Variants in PPFIA2 observed in about 807,000 individuals in gnomAD.
The protein encoded by PPFIA2 is liprin-alpha-2.
A neutral mutation model predicts 175.5 loss-of-function variants in PPFIA2; 46 were observed. The observed-to-expected ratio is 0.26, with a 90% CI of 0.21 to 0.34. The LOEUF (loss-of-function observed/expected upper bound fraction) is 0.34, where lower values mean the gene tolerates loss of function less well. PPFIA2 is among the 10% of genes least tolerant of loss of function. The probability of loss-of-function intolerance (pLI) is 1.00; values close to 1 mark genes in which losing one functional copy is unlikely to be tolerated. For synonymous variants in PPFIA2, 568 were observed against 511.4 expected, an observed-to-expected ratio of 1.11 and a Z score of -1.49; for missense variants, 1,179 against 1,506.1, an observed-to-expected ratio of 0.78 and a Z score of 3.60.
At chr12:81,752,026 A>G (rs1049792946) in intron 3 of PPFIA2, among the ~76,000 whole-genome samples, 1 of 152,194 alleles carries the variant, frequency 6.6e-6, no homozygotes, top group African/African-American at 2.4e-5. Context: ...ATCTAGAAAG[A>G]CAAATGTAAG....
At chr12:81,725,446 GTTTAGTTCTT>G (rs2079939866) in intron 3 of PPFIA2, among the ~76,000 whole-genome samples, 1 of 150,760 alleles carries the variant, frequency 6.6e-6, no homozygotes, top group African/African-American at 2.4e-5. Context: ...TTAATCAATT[GTTTAGTTCTT>G]TTAAACTGCA....
intron 4 of PPFIA2, among the ~76,000 whole-genome samples, chr12:81,519,321 G>T (rs1422030956): frequency 6.6e-6 from 1 of 152,080 alleles, no homozygotes; most frequent in Non-Finnish European, 1.5e-5. Flanking sequence ...GATATTAAAA[G>T]ACTTGAAAAT....
intron 4 of PPFIA2, among the ~76,000 whole-genome samples, chr12:81,640,776 C>G (rs1321845882): frequency 2.0e-5 from 3 of 152,074 alleles, no homozygotes; most frequent in Admixed American, 2.0e-4. Flanking sequence ...CCATTTTGAG[C>G]CCCTAGAACA....
chr12:81,656,893 G>A, intron 4 of PPFIA2, among the ~76,000 whole-genome samples: 1 of 151,678 alleles, frequency 6.6e-6, no homozygotes, highest in Non-Finnish European at 1.5e-5. Context: ...AAAATCTTTA[G>A]GGCATATTCC....
At chr12:81,405,728 C>T in intron 8 of PPFIA2, 59 bp downstream of exon 8, 1 of 968,312 alleles carries the variant, frequency 1.0e-6, no homozygotes, top group Non-Finnish European at 1.5e-6. Context: ...TTTATATTTC[C>T]TGTCAAATGA....
chr12:81,470,647 T>C (rs1258181262), intron 4 of PPFIA2, among the ~76,000 whole-genome samples: 1 of 152,218 alleles, frequency 6.6e-6, no homozygotes, highest in Non-Finnish European at 1.5e-5. Flanking sequence ...ATTCATTATA[T>C]CTAAAAGGTG....
intron 8 of PPFIA2, among the ~76,000 whole-genome samples, chr12:81,405,066 A>G (rs2142895646): frequency 6.6e-6 from 1 of 152,268 alleles, no homozygotes; most frequent in African/African-American, 2.4e-5. Context: ...CCTACCAATA[A>G]CTTACCTTCT....
chr12:81,591,739 G>T (rs1272103154), intron 4 of PPFIA2, among the ~76,000 whole-genome samples: 1 of 152,174 alleles, frequency 6.6e-6, no homozygotes, highest in Non-Finnish European at 1.5e-5. Context: ...AAGAATTGAG[G>T]TTTGGGACCT....
chr12:81,369,352 T>C (rs1426313417), intron 11 of PPFIA2, 158 bp from the exon 12 acceptor site: 1 of 1,480,390 alleles, frequency 6.8e-7, no homozygotes, highest in Non-Finnish European at 9.0e-7. Context: ...ACAGCATTGC[T>C]TGAAATGTGT....
At chr12:81,511,598 T>C (rs914239554) in intron 4 of PPFIA2, among the ~76,000 whole-genome samples, 10 of 152,084 alleles carry the variant, frequency 6.6e-5, no homozygotes, top group African/African-American at 2.4e-4. Context: ...TCCTCTATAC[T>C]GTAGGTTCTG....
In PPFIA2 at chr12:81,676,854, G is replaced by T. The variant is rs1316149620; in HGVS notation, c.250-10C>A. ...TTAGGGATTCGATATCCTGAAAAGGGGAGAGGTGTTGATTGTAAAGTGCTA... is the reference window on the plus strand; with the variant it reads ...TTAGGGATTCGATATCCTGAAAAGGTGAGAGGTGTTGATTGTAAAGTGCTA... On this transcript the variant is annotated splice_polypyrimidine_tract_variant and intron_variant, in intron 3 of 32. Coordinates refer to ENST00000549396, the MANE Select transcript of PPFIA2 (RefSeq NM_003625.5). 15 of 1,574,872 alleles carry T rather than the reference G, an allele frequency of 9.5e-6. No individual in the cohort carries two copies. The East Asian group carries it at 1.4e-4, about 15-fold the overall frequency.
intron 14 of PPFIA2, among the ~76,000 whole-genome samples, chr12:81,365,688 C>T (rs1374475188): frequency 1.3e-5 from 2 of 151,604 alleles, no homozygotes; most frequent in Non-Finnish European, 2.9e-5. Flanking sequence ...AATGCTCTAC[C>T]TTTATGAAGA....
chr12:81,285,833 A>G (rs1436502609), intron 24 of PPFIA2, among the ~76,000 whole-genome samples: 6 of 152,194 alleles, frequency 3.9e-5, no homozygotes, highest in Non-Finnish European at 5.9e-5. Context: ...ATTATTTTAC[A>G]GTGTACTCCC....
intron 4 of PPFIA2, among the ~76,000 whole-genome samples, chr12:81,548,283 G>A (rs1013145515): frequency 5.3e-5 from 8 of 152,032 alleles, no homozygotes; most frequent in Non-Finnish European, 1.0e-4. Flanking sequence ...GGAAATACAC[G>A]GGGAATGTTC....
chr12:81,734,310 C>T (rs992949611), intron 3 of PPFIA2, among the ~76,000 whole-genome samples: 1 of 151,736 alleles, frequency 6.6e-6, no homozygotes, highest in Non-Finnish European at 1.5e-5. Flanking sequence ...AATCTCTTTG[C>T]TCTGAGAGAT....
rs1474089290 is a variant in PPFIA2, at chr12:81,451,996, A to C, written c.405+5769T>G. On this transcript the variant is annotated intron_variant, in intron 5 of 32. Coordinates refer to ENST00000549396, the MANE Select transcript of PPFIA2 (RefSeq NM_003625.5). ...AATGGAACTCTCTTTGGTATACTCA[A>C]AGGATTGTAGAGACTATGTGAATGG... Among the ~76,000 whole-genome samples, 3 of 152,308 alleles carry C rather than the reference A, an allele frequency of 2.0e-5. No individual in the cohort carries two copies. In the East Asian group the frequency reaches 5.8e-4, roughly 29 times the overall value.
chr12:81,676,867 T>C, intron 3 of PPFIA2, 23 bp from the exon 4 acceptor site: 1 of 1,560,240 alleles, frequency 6.4e-7, no homozygotes. Context: ...GAGGTGTTGA[T>C]TGTAAAGTGC....
chr12:81,700,115 G>C (rs902637127), intron 3 of PPFIA2, among the ~76,000 whole-genome samples: 2 of 151,878 alleles, frequency 1.3e-5, no homozygotes, highest in African/African-American at 4.8e-5. Context: ...CCCTGAAATG[G>C]TGGTGTTCTT....
At chr12:81,586,588 G>GT (rs35411061) in intron 4 of PPFIA2, among the ~76,000 whole-genome samples, 66,215 of 151,368 alleles carry the variant, frequency 0.44, 14,908 homozygotes, top group Non-Finnish European at 0.5. Context: ...ATTCAATATG[G>GT]TAAACTTCAA....
Sources: gnomAD v4.1 joint callset for allele counts (sites outside exome capture counted in the v4.1 genomes callset) on GRCh38, gnomAD v4.1.1 for gene constraint, MANE v1.5 for transcripts, NCBI Gene and HGNC (gene_info 2026-07-23, HGNC 2026-07-21) for gene names.